Variants in IQSEC1 observed in about 807,000 individuals in gnomAD.
IQSEC1 encodes IQ motif and Sec7 domain ArfGEF 1, also known as IQ motif and SEC7 domain-containing protein 1.
Under a neutral mutation model 91.0 loss-of-function variants are expected in IQSEC1, and 31 were observed. The observed-to-expected ratio is 0.34, with a 90% CI of 0.26 to 0.46. The LOEUF is 0.46. Among genes scored for constraint, IQSEC1 ranks in the 20% least tolerant of loss-of-function variants. IQSEC1 has a pLI of 1.00. For synonymous variants in IQSEC1, 699 were observed against 662.6 expected, an observed-to-expected ratio of 1.05 and a Z score of -0.84; for missense variants, 1,388 against 1,575.6, an observed-to-expected ratio of 0.88 and a Z score of 2.02.
chr3:13,237,220 C>T (rs1215545986), intron 1 of IQSEC1, among the ~76,000 whole-genome samples: 1 of 152,224 alleles, frequency 6.6e-6, no homozygotes, highest in Non-Finnish European at 1.5e-5. Flanking sequence ...CATGGAAGAG[C>T]CCTTTCTGTG....
At position 12,909,316 on chromosome 3, in the gene IQSEC1, C is replaced by T. The variant is rs1262512216; in HGVS notation, c.2535G>A (p.Glu845=). The part of the protein sequence containing the change: ...DRKKFTDDLR[E]SIAEVQEMEK... Reference sequence around the variant, plus strand: ...CCATCTCTTGGACTTCCGCAATGGACTCCCGCAGGTCATCGGTGAATTTCT... The same window carrying T: ...CCATCTCTTGGACTTCCGCAATGGATTCCCGCAGGTCATCGGTGAATTTCT... Residue 845 remains glutamate (E), a synonymous_variant, in exon 11 of 14, where the codon GAG becomes GAA. Transcript: ENST00000613206. This position sits in a 1 kb window ranked among gnomAD's most constrained non-coding sequence, Gnocchi z 4.9. 1.9e-6 allele frequency: 3 copies of T among 1,614,240 alleles called. No homozygotes were observed. The highest frequency in any genetic ancestry group is 1.1e-5 in the South Asian group (1 of 91,086).
intron 12 of IQSEC1, among the ~76,000 whole-genome samples, chr3:12,906,771 G>A (rs1029296118): frequency 1.3e-5 from 2 of 152,258 alleles, no homozygotes; most frequent in Non-Finnish European, 2.9e-5. Flanking sequence ...GGCGGATGGC[G>A]CTCAAGGGCC....
intron 1 of IQSEC1, among the ~76,000 whole-genome samples, chr3:12,959,848 C>T (rs763056965): frequency 2.8e-4 from 43 of 152,310 alleles, no homozygotes; most frequent in Admixed American, 1.4e-3. Flanking sequence ...AAAAATAACG[C>T]TAAGACTCTG....
intron 1 of IQSEC1, among the ~76,000 whole-genome samples, chr3:13,058,885 C>A (rs191423151): frequency 2.6e-5 from 4 of 152,318 alleles, no homozygotes; most frequent in Admixed American, 2.6e-4. Context: ...GCCTTGGGTG[C>A]CCTCGGCCCA....
At chr3:13,206,814 T>C (rs942405195) in intron 1 of IQSEC1, among the ~76,000 whole-genome samples, 9 of 152,088 alleles carry the variant, frequency 5.9e-5, no homozygotes, top group Non-Finnish European at 1.3e-4. Context: ...ATTGCTATCA[T>C]AAATAAACGG....
intron 1 of IQSEC1, among the ~76,000 whole-genome samples, chr3:12,968,709 C>T (rs182138809): frequency 7.2e-5 from 11 of 152,328 alleles, no homozygotes; most frequent in East Asian, 5.8e-4. Context: ...AATGCCTAGA[C>T]GTGGTTGGGA....
intron 1 of IQSEC1, chr3:12,987,178 C>T (rs540405211): frequency 7.0e-5 from 16 of 229,474 alleles, no homozygotes; most frequent in Non-Finnish European, 1.3e-4. Flanking sequence ...CACTGCAGCC[C>T]CACAGACCTG....
At chr3:13,217,431 G>T (rs1412546414) in intron 1 of IQSEC1, among the ~76,000 whole-genome samples, 1 of 152,154 alleles carries the variant, frequency 6.6e-6, no homozygotes, top group African/African-American at 2.4e-5. Context: ...CCAGCAGATC[G>T]TTCCTTTTCA....
Position 12,970,838 on chromosome 3 carries a change from A to G in IQSEC1, c.24-28973T>C, listed in dbSNP as rs529736994. Reference sequence around the variant, plus strand: ...CAGGTTACTCTGCACCTGCTTGCTTATACCAGTGAGCTGTATTCCAACTGC... The same window carrying G: ...CAGGTTACTCTGCACCTGCTTGCTTGTACCAGTGAGCTGTATTCCAACTGC... On this transcript the variant is annotated intron_variant, in intron 1 of 13. Transcript: ENST00000613206. The surrounding 1 kb of genome is among the most constrained non-coding windows in gnomAD (Gnocchi z 4.4). Among the ~76,000 whole-genome samples the G allele has an allele frequency of 5.3e-5, 8 of 152,200 alleles. No homozygotes were observed. The highest frequency in any genetic ancestry group is 1.2e-4 in the Non-Finnish European group (8 of 68,030).
Position 13,249,973 on chromosome 3 carries a change from C to A in IQSEC1, c.272+32738G>T, listed in dbSNP as rs369512627. On this transcript the variant is annotated intron_variant, in intron 1 of 15. Coordinates refer to the IQSEC1 transcript ENST00000648114. ...AGTTTCCCCACCTGTGAGGTGAGGG[C>A]CCGTCAGCTCCATTGCTGCCTGTGC... is the stretch of plus-strand genomic sequence containing the variant. Among the ~76,000 whole-genome samples the A allele has an allele frequency of 5.9e-5, 9 of 152,356 alleles. 1 individual carries two copies. In the East Asian group the frequency reaches 7.7e-4, roughly 13 times the overall value.
intron 1 of IQSEC1, among the ~76,000 whole-genome samples, chr3:13,056,260 G>T (rs1016689387): frequency 5.3e-5 from 8 of 152,254 alleles, no homozygotes; most frequent in African/African-American, 1.9e-4. Flanking sequence ...CAGGCTTGGG[G>T]GAGGGGTGTA....
intron 1 of IQSEC1, among the ~76,000 whole-genome samples, chr3:12,944,466 C>T (rs1375610140): frequency 6.6e-6 from 1 of 152,202 alleles, no homozygotes; most frequent in East Asian, 1.9e-4. Context: ...TGTCTGACCC[C>T]AGAGCTCACG....
At chr3:13,220,674 G>T (rs1694642014) in intron 1 of IQSEC1, among the ~76,000 whole-genome samples, 1 of 152,264 alleles carries the variant, frequency 6.6e-6, no homozygotes, top group African/African-American at 2.4e-5. Context: ...TCAGGAGTCA[G>T]TCCCTACAGA....
chr3:13,103,182 G>C lies in IQSEC1; in HGVS notation c.303-55660C>G, dbSNP rs1280461633. ...GCCCCAGGCAGGTCAGTTCAGGGAA[G>C]GGGCCTGCATCGAACTCTCGCCACC... On this transcript the variant is annotated intron_variant, in intron 2 of 15. Coordinates refer to the IQSEC1 transcript ENST00000648114. The surrounding 1 kb of genome is among the most constrained non-coding windows in gnomAD (Gnocchi z 4.1). Among the ~76,000 whole-genome samples the C allele has an allele frequency of 6.6e-6, 1 of 152,138 alleles. No individual in the cohort carries two copies. The highest frequency in any genetic ancestry group is 1.5e-5 in the Non-Finnish European group (1 of 68,032).
At chr3:13,268,289 C>T (rs1003098159) in intron 1 of IQSEC1, among the ~76,000 whole-genome samples, 2 of 152,252 alleles carry the variant, frequency 1.3e-5, no homozygotes, top group Admixed American at 6.5e-5. Flanking sequence ...CAACCCTAGA[C>T]AAGAACTTCA....
chr3:13,252,106 T>C (rs1374818965), intron 1 of IQSEC1, among the ~76,000 whole-genome samples: 1 of 152,188 alleles, frequency 6.6e-6, no homozygotes, highest in Admixed American at 6.5e-5. Context: ...CTAAGTACAT[T>C]CATAGTGCTG....
chr3:13,070,076 C>T (rs1303729972), intron 1 of IQSEC1, among the ~76,000 whole-genome samples: 8 of 142,274 alleles, frequency 5.6e-5, no homozygotes, highest in African/African-American at 2.1e-4. Flanking sequence ...AAAATGGAGG[C>T]TAGGGAGTGA....
chr3:12,981,862 T>C (rs553612631), intron 1 of IQSEC1, among the ~76,000 whole-genome samples: 1 of 152,320 alleles, frequency 6.6e-6, no homozygotes, highest in East Asian at 1.9e-4. Context: ...CCGCATCCTC[T>C]TCCCCATCTG....
chr3:13,095,275 C>A (rs972017457), intron 2 of IQSEC1, among the ~76,000 whole-genome samples: 1 of 152,050 alleles, frequency 6.6e-6, no homozygotes, highest in South Asian at 2.1e-4. Flanking sequence ...AATCCCCGAC[C>A]CCCACCTCCC....
Sources: allele counts gnomAD v4.1 joint callset (sites outside exome capture counted in the v4.1 genomes callset), GRCh38; gene constraint gnomAD v4.1.1; non-coding constraint Gnocchi (gnomAD v3.1); transcripts MANE v1.5; gene names NCBI Gene and HGNC (gene_info 2026-07-23, HGNC 2026-07-21).